The following DNAH6 variants were observed in gnomAD, a reference collection of about 807,000 sequenced individuals.
DNAH6 encodes the protein axonemal beta dynein heavy chain 6.
A neutral mutation model predicts 491.4 loss-of-function variants in DNAH6; 340 were observed. The ratio of observed to expected loss-of-function variants is 0.69; its 90% confidence interval spans 0.63 to 0.76. The LOEUF is 0.76. Among genes scored for constraint, DNAH6 ranks in the 30% least tolerant of loss-of-function variants. DNAH6 has a pLI of 0.00. For missense variants in DNAH6, 4,443 were observed against 4,972.2 expected (o/e 0.89, Z 3.20); for synonymous variants, 1,603 against 1,686.1 (o/e 0.95, Z 1.21).
chr2:84,805,625 A>T, intron 70 of DNAH6, 40 bp from the exon 71 acceptor site: 1 of 1,469,588 alleles, frequency 6.8e-7, no homozygotes, highest in Non-Finnish European at 9.0e-7. Context: ...TTTTCTGAGA[A>T]TTTGAGTCTT....
chr2:84,486,800 G>A, the DNAH6 span, among the ~76,000 whole-genome samples: 1 of 152,172 alleles, frequency 6.6e-6, no homozygotes, highest in Non-Finnish European at 1.5e-5. Context: ...GAGACAAGGA[G>A]GCCAGAGGAA....
At chr2:84,471,050 G>A in the DNAH6 span, among the ~76,000 whole-genome samples, 21 of 152,242 alleles carry the variant, frequency 1.4e-4, no homozygotes, top group Non-Finnish European at 2.1e-4. Context: ...GCATACAATT[G>A]ATCTAGGAGC....
intron 60 of DNAH6, among the ~76,000 whole-genome samples, 180 bp downstream of exon 60, chr2:84,722,984 T>C (rs1698307624): frequency 6.6e-6 from 1 of 152,132 alleles, no homozygotes; most frequent in Admixed American, 6.5e-5. Flanking sequence ...TCCCAGCACT[T>C]TGGGAGGCCG....
rs1693307343 is a variant in DNAH6 at position 84,677,080 on chromosome 2, T to G, written c.6688T>G (p.Phe2230Val). The change falls in exon 41 of 77, where the codon TTC (phenylalanine) becomes GTC (valine). Residue 2230 changes from phenylalanine (F) to valine (V), a missense_variant. Phe to Val is a conservative substitution (Grantham distance 50). Coordinates refer to ENST00000389394, the MANE Select transcript of DNAH6 (RefSeq NM_001370.2). ...TGTGACTCCCCGCTTCATCAGACAC[T>G]TCAGCATGCTGTGCCTCCCAATGCC... Reference protein sequence around the residue: ...NPVTPRFIRHFSMLCLPMPSE... With the variant: ...NPVTPRFIRHVSMLCLPMPSE... The G allele has an allele frequency of 1.3e-6, 2 of 1,551,620 alleles. No individual in the cohort carries two copies. The highest frequency in any genetic ancestry group is 1.7e-6 in the Non-Finnish European group (2 of 1,146,988).
Position 84,704,420 on chromosome 2 carries a change from A to C in DNAH6, c.8465+118A>C, listed in dbSNP as rs1696237941. 3 of 738,884 alleles carry C rather than the reference A, an allele frequency of 4.1e-6. No homozygotes were observed. In the Admixed American group the frequency reaches 8.5e-5, roughly 21 times the overall value. 45.8% of individuals were successfully genotyped at this position (738,884 alleles called of 1,614,324 possible). ...CACCTTCTCATTGCTTCAGTTGGTC[A>C]TTCAACAAATTGATTCAAGGAGCAT... On this transcript the variant is annotated intron_variant, in intron 51 of 76. Transcript: ENST00000389394.
At chr2:84,491,482 G>C in the DNAH6 span, among the ~76,000 whole-genome samples, 1 of 152,130 alleles carries the variant, frequency 6.6e-6, no homozygotes, top group African/African-American at 2.4e-5. Context: ...TTTCAGCAAG[G>C]TGTGACTGTT....
chr2:84,695,243 G>T (rs1406332621), intron 46 of DNAH6, among the ~76,000 whole-genome samples: 8 of 152,034 alleles, frequency 5.3e-5, no homozygotes, highest in Non-Finnish European at 1.0e-4. Context: ...AAAACAAAGG[G>T]CTTTAAACAC....
chr2:84,673,203 G>C (rs950751817), intron 40 of DNAH6, among the ~76,000 whole-genome samples: 1 of 152,130 alleles, frequency 6.6e-6, no homozygotes, highest in Non-Finnish European at 1.5e-5. Context: ...AAAATACTAC[G>C]GTGGTGTGAA....
chr2:84,764,338 A>G (rs183442469), intron 64 of DNAH6, among the ~76,000 whole-genome samples: 162 of 152,364 alleles, frequency 1.1e-3, no homozygotes, highest in African/African-American at 3.8e-3. Context: ...AAACAGAATT[A>G]TCAGAAAAGG....
chr2:84,705,640 G>C lies in DNAH6; in HGVS notation c.8620G>C (p.Val2874Leu), dbSNP rs187596306. Residue 2874 changes from valine to leucine, a missense_variant, in exon 52 of 77, where the codon GTG becomes CTG. Physicochemically the swap from Val to Leu is conservative, Grantham distance 32. This residue lies in a region of DNAH6 where 1,463 missense variants were observed against 1,656.6 expected (regional missense o/e 0.88). Transcript: ENST00000389394. ...PDFVPEKVEK[V>L]SKACKSMCMW... ...TTTTGTGCCTGAAAAAGTGGAGAAA[G>C]TGTCCAAAGCATGTAAATCTATGTG... The C allele has an allele frequency of 6.4e-7, 1 of 1,551,634 alleles. No homozygotes were observed. The highest frequency in any genetic ancestry group is 2.0e-5 in the Admixed American group (1 of 50,982).
intron 56 of DNAH6, 102 bp downstream of exon 56, chr2:84,710,514 A>T (rs190680610): frequency 4.1e-5 from 49 of 1,191,328 alleles, no homozygotes; most frequent in Non-Finnish European, 5.8e-5. Flanking sequence ...ACACCAGTCA[A>T]CTCCATTTTC....
chr2:84,667,497 A>T (rs1469249273), intron 37 of DNAH6, among the ~76,000 whole-genome samples: 2 of 152,250 alleles, frequency 1.3e-5, no homozygotes, highest in Non-Finnish European at 2.9e-5. Flanking sequence ...GACACATGAA[A>T]AAATGGTCAT....
Position 84,706,898 on chromosome 2 carries a change from T to C in DNAH6, c.8730T>C (p.Ala2910=), listed in dbSNP as rs928046347. ...AAACAGTTGCTTGATTTTATTAGGC[T>C]GAACTTGACATTACCATGGCTACCC... ...PKRQKLRAAQ[A]ELDITMATLR... The change falls in exon 53 of 77, where the codon GCT becomes GCC. Residue 2910 remains alanine, a splice_region_variant and synonymous_variant. Transcript: ENST00000389394. The C allele has an allele frequency of 1.3e-6, 2 of 1,538,530 alleles. No homozygotes were observed. The highest frequency in any genetic ancestry group is 2.8e-5 in the African/African-American group (2 of 72,510).
chr2:84,690,785 A>G (rs1573498239), intron 45 of DNAH6, among the ~76,000 whole-genome samples: 1 of 152,260 alleles, frequency 6.6e-6, no homozygotes, highest in Non-Finnish European at 1.5e-5. Flanking sequence ...CAAACACCTA[A>G]TGCTGATTAG....
intron 22 of DNAH6, among the ~76,000 whole-genome samples, chr2:84,613,511 G>C (rs1376770223): frequency 6.6e-6 from 1 of 152,094 alleles, no homozygotes; most frequent in East Asian, 1.9e-4. Context: ...CAGCTGCTAT[G>C]ATAAGCACCA....
chr2:84,777,791 A>G, intron 64 of DNAH6: 1 of 1,039,576 alleles, frequency 9.6e-7, no homozygotes, highest in Non-Finnish European at 1.5e-6. Flanking sequence ...GTTTTTGGGG[A>G]AGCCACTTAT....
At chr2:84,502,645 G>A in the DNAH6 span, among the ~76,000 whole-genome samples, 8 of 152,100 alleles carry the variant, frequency 5.3e-5, no homozygotes, top group Admixed American at 1.3e-4. Flanking sequence ...TTGTATTGGA[G>A]CCTATCCTAG....
intron 68 of DNAH6, among the ~76,000 whole-genome samples, chr2:84,788,044 A>G (rs996174004): frequency 6.6e-6 from 1 of 152,204 alleles, no homozygotes; most frequent in African/African-American, 2.4e-5. Context: ...TCTAGAGCCT[A>G]AAAGGTAAAA....
chr2:84,529,627 G>A (rs566309288), intron 4 of DNAH6, among the ~76,000 whole-genome samples: 10 of 152,282 alleles, frequency 6.6e-5, no homozygotes, highest in Non-Finnish European at 1.3e-4. Context: ...CTTTCTGTGT[G>A]TTGTTGCCGC....
Sources: allele counts gnomAD v4.1 joint callset (sites outside exome capture counted in the v4.1 genomes callset), GRCh38; gene constraint gnomAD v4.1.1; regional missense constraint gnomAD v4.1.1; transcripts MANE v1.5; gene names NCBI Gene and HGNC (gene_info 2026-07-23, HGNC 2026-07-21).